The following CPXM2 variants were observed in gnomAD, a reference collection of about 807,000 sequenced individuals.
CPXM2 encodes inactive carboxypeptidase-like protein X2.
Under a neutral mutation model 86.1 loss-of-function variants are expected in CPXM2, and 66 were observed. The observed-to-expected ratio is 0.77, with a 90% CI of 0.63 to 0.94. The LOEUF (loss-of-function observed/expected upper bound fraction) is 0.94. Ranked by LOEUF, CPXM2 falls within the 40% of genes least tolerant of loss-of-function variation. The pLI is 0.00. For synonymous variants in CPXM2, 388 were observed against 400.2 expected, an observed-to-expected ratio of 0.97 and a Z score of 0.36; for missense variants, 948 against 1,026.3, an observed-to-expected ratio of 0.92 and a Z score of 1.04.
intron 6 of CPXM2, among the ~76,000 whole-genome samples, chr10:123,783,312 C>T (rs561464375): frequency 1.8e-4 from 28 of 152,348 alleles, no homozygotes; most frequent in African/African-American, 6.0e-4. Context: ...CTTTCTTGCA[C>T]GAGGTCCAGG....
chr10:123,856,442 G>A (rs1848726324), intron 3 of CPXM2, among the ~76,000 whole-genome samples: 1 of 152,170 alleles, frequency 6.6e-6, no homozygotes, highest in Admixed American at 6.5e-5. Context: ...TATGACCCAG[G>A]GAAAATATCT....
rs1413469772 is a variant in CPXM2, at chr10:123,858,471, A to C, written c.513+4143T>G. The stretch of plus-strand genomic sequence containing the variant: ...CTAGTCCAGCTGTTGGACCTATACC[A>C]CTTCTATCTGTTGACTTGGGAGGCA... On this transcript the variant is annotated intron_variant, in intron 3 of 13. Coordinates refer to ENST00000241305, the MANE Select transcript of CPXM2 (RefSeq NM_198148.3). Among the ~76,000 whole-genome samples, 4 of 152,154 alleles carry C rather than the reference A, an allele frequency of 2.6e-5. No individual in the cohort carries two copies. The East Asian group carries it at 7.7e-4, about 29-fold the overall frequency.
chr10:123,796,894 A>C (rs1847346224), intron 6 of CPXM2, among the ~76,000 whole-genome samples: 1 of 152,206 alleles, frequency 6.6e-6, no homozygotes, highest in African/African-American at 2.4e-5. Context: ...GTGAACAGGA[A>C]TGTGAAGTTT....
At position 123,885,405 on chromosome 10, in the gene CPXM2, A is replaced by T. The variant is rs1423853992; in HGVS notation, c.305-5096T>A. Among the ~76,000 whole-genome samples the T allele has an allele frequency of 6.6e-6, 1 of 152,110 alleles. No individual in the cohort carries two copies. The highest frequency in any genetic ancestry group is 1.5e-5 in the Non-Finnish European group (1 of 68,036). ...ATGCTTGGAGAAGTCACAAATGCCC[A>T]TGAGTGGCAGAACCAGACTTTGACC... On this transcript the variant is annotated intron_variant, in intron 1 of 13. Coordinates refer to ENST00000241305, the MANE Select transcript of CPXM2 (RefSeq NM_198148.3). This position sits in a 1 kb window ranked among gnomAD's most constrained non-coding sequence, Gnocchi z 4.0.
chr10:123,757,334 T>C lies in CPXM2; in HGVS notation c.1796A>G (p.Tyr599Cys). 1 of 1,613,704 alleles carries C rather than the reference T, an allele frequency of 6.2e-7. No homozygotes were observed. The highest frequency in any genetic ancestry group is 8.5e-7 in the Non-Finnish European group (1 of 1,179,670). Reference protein sequence around the residue: ...TVAGSLNDFSYLHTNCFELSI... With the variant: ...TVAGSLNDFSCLHTNCFELSI... Reference sequence around the variant, plus strand: ...CAGTTCGAAGCAGTTTGTATGAAGGTAGCTGAAATCGTTCAGACCTGCCAA... The same window carrying C: ...CAGTTCGAAGCAGTTTGTATGAAGGCAGCTGAAATCGTTCAGACCTGCCAA... Residue 599 changes from tyrosine (Y) to cysteine (C), a missense_variant, in exon 12 of 14, where the codon TAC becomes TGC. Coordinates refer to ENST00000241305, the MANE Select transcript of CPXM2 (RefSeq NM_198148.3).
chr10:123,827,303 A>C (rs942561170), intron 4 of CPXM2, among the ~76,000 whole-genome samples: 1 of 152,226 alleles, frequency 6.6e-6, no homozygotes, highest in Non-Finnish European at 1.5e-5. Context: ...AACCATGCCT[A>C]AATGTATTCA....
intron 2 of CPXM2, among the ~76,000 whole-genome samples, chr10:123,925,518 TG>T (rs1945615414): frequency 6.6e-6 from 1 of 152,228 alleles, no homozygotes; most frequent in Admixed American, 6.5e-5. Context: ...TTAATTAAAA[TG>T]CATAAATTTT....
chr10:123,885,322 G>A lies in CPXM2; in HGVS notation c.305-5013C>T, dbSNP rs77703200. Among the ~76,000 whole-genome samples, 143 of 152,234 alleles carry A rather than the reference G, an allele frequency of 9.4e-4. No homozygotes were observed. The highest frequency in any genetic ancestry group is 3.3e-3 in the African/African-American group (136 of 41,534). ...AGGCTGGGCATTGACCCCTCCAATC[G>A]TACACCTCCTCCAAAAGCTCGGGTT... On this transcript the variant is annotated intron_variant, in intron 1 of 13. Transcript: ENST00000241305. This position sits in a 1 kb window ranked among gnomAD's most constrained non-coding sequence, Gnocchi z 4.0.
intron 6 of CPXM2, among the ~76,000 whole-genome samples, chr10:123,781,603 A>G (rs1846936301): frequency 6.6e-6 from 1 of 152,160 alleles, no homozygotes; most frequent in Non-Finnish European, 1.5e-5. Context: ...AGTGGCTCCT[A>G]GGGCCACTCT....
At chr10:123,804,606 T>C (rs1316509743) in intron 4 of CPXM2, among the ~76,000 whole-genome samples, 1 of 152,164 alleles carries the variant, frequency 6.6e-6, no homozygotes, top group Non-Finnish European at 1.5e-5. Flanking sequence ...TGGGCTCCTT[T>C]GGATGTTTTT....
At chr10:123,797,293 C>T (rs1847353313) in intron 6 of CPXM2, among the ~76,000 whole-genome samples, 1 of 152,218 alleles carries the variant, frequency 6.6e-6, no homozygotes, top group Non-Finnish European at 1.5e-5. Context: ...ACCGCCACTA[C>T]CCAGTGTAAT....
chr10:123,875,550 A>G (rs1590089754), intron 2 of CPXM2, among the ~76,000 whole-genome samples: 4 of 152,348 alleles, frequency 2.6e-5, no homozygotes, highest in Middle Eastern at 6.8e-3. Flanking sequence ...TATGCAATGA[A>G]GAGAAGAGGC....
intron 8 of CPXM2, chr10:123,769,384 G>C (rs1846572277): frequency 6.6e-6 from 1 of 152,280 alleles, no homozygotes; most frequent in African/African-American, 2.4e-5. Flanking sequence ...AGACCAGCCT[G>C]GGCAACATGG....
intron 6 of CPXM2, among the ~76,000 whole-genome samples, chr10:123,781,013 T>C (rs1275861758): frequency 6.6e-6 from 1 of 152,218 alleles, no homozygotes; most frequent in Non-Finnish European, 1.5e-5. Flanking sequence ...AGAACTAGCC[T>C]CAGGATGACT....
rs1361759342 is a variant in CPXM2, at chr10:123,891,012, A to G, written c.304+344T>C. 2.0e-5 allele frequency among the ~76,000 whole-genome samples: 3 copies of G among 152,266 alleles called. No individual in the cohort carries two copies. Among genetic ancestry groups the G allele is most frequent in the African/African-American group, 7.2e-5 (3 of 41,476 alleles). On this transcript the variant is annotated intron_variant, in intron 1 of 13. Transcript: ENST00000241305. The surrounding 1 kb of genome is among the most constrained non-coding windows in gnomAD (Gnocchi z 5.6). ...GCATTTGAGGATTGAAGAAGTAGGC[A>G]GAGAAGTAAGAGGCATCCAGCAGAA...
intron 10 of CPXM2, among the ~76,000 whole-genome samples, chr10:123,763,241 T>C (rs531336859): frequency 6.6e-6 from 1 of 152,296 alleles, no homozygotes; most frequent in East Asian, 1.9e-4. Flanking sequence ...GTTTTCACCA[T>C]GTTGGCCAGG....
intron 13 of CPXM2, among the ~76,000 whole-genome samples, chr10:123,748,203 T>C (rs1334558264): frequency 1.2e-4 from 19 of 152,070 alleles, no homozygotes; most frequent in Admixed American, 1.2e-3. Flanking sequence ...CTGCACCAGG[T>C]CACACGGCTA....
chr10:123,937,582 C>T (rs894982427), intron 2 of CPXM2, among the ~76,000 whole-genome samples: 6 of 151,516 alleles, frequency 4.0e-5, no homozygotes, highest in Non-Finnish European at 7.4e-5. Context: ...TTGTTCACTT[C>T]CAGGGACCAA....
intron 11 of CPXM2, among the ~76,000 whole-genome samples, chr10:123,761,619 C>T (rs1158108429): frequency 6.6e-6 from 1 of 152,220 alleles, no homozygotes; most frequent in Non-Finnish European, 1.5e-5. Flanking sequence ...CTGTGCCTTT[C>T]TTGCTGGAGC....
Sources: gnomAD v4.1 joint callset for allele counts (sites outside exome capture counted in the v4.1 genomes callset) on GRCh38, gnomAD v4.1.1 for gene constraint, Gnocchi (gnomAD v3.1) non-coding constraint, MANE v1.5 for transcripts, NCBI Gene and HGNC (gene_info 2026-07-23, HGNC 2026-07-21) for gene names.